Variants in SMARCC1 observed in about 807,000 individuals in gnomAD.
SMARCC1 encodes the protein SWI/SNF complex subunit SMARCC1.
In SMARCC1, 43 loss-of-function variants were observed where a neutral mutation model predicts 147.4. The ratio of observed to expected loss-of-function variants is 0.29; its 90% CI spans 0.23 to 0.38. The LOEUF (loss-of-function observed/expected upper bound fraction) is 0.38. Ranked by LOEUF, SMARCC1 falls within the 10% of genes least tolerant of loss-of-function variation. SMARCC1 has a pLI of 1.00. For missense variants in SMARCC1, 1,119 were observed against 1,381.1 expected, an observed-to-expected ratio of 0.81 and a Z score of 3.01; for synonymous variants, 495 against 484.4, an observed-to-expected ratio of 1.02 and a Z score of -0.29.
In SMARCC1 at chr3:47,733,071, C is replaced by A. The variant is rs535640255; in HGVS notation, c.576+2963G>T. ...GCAGTGAGCCGAGATCACACCACTGCGCTCCAGCTGGGCGACAGAGAAAGA... is the reference window on the plus strand; with the variant it reads ...GCAGTGAGCCGAGATCACACCACTGAGCTCCAGCTGGGCGACAGAGAAAGA... On this transcript the variant is annotated intron_variant, in intron 5 of 27. Coordinates refer to ENST00000254480, the MANE Select transcript of SMARCC1 (RefSeq NM_003074.4). Among the ~76,000 whole-genome samples the A allele has an allele frequency of 2.6e-5, 4 of 152,126 alleles. No individual in the cohort carries two copies. In the East Asian group the frequency reaches 7.7e-4, roughly 29 times the overall value.
intron 21 of SMARCC1, among the ~76,000 whole-genome samples, chr3:47,650,333 A>G (rs2033175117): frequency 6.7e-6 from 1 of 148,758 alleles, no homozygotes; most frequent in Admixed American, 6.7e-5. Flanking sequence ...GAAAAAAATA[A>G]AAACATTTCT....
At chr3:47,598,142 G>A (rs2032321482) in intron 26 of SMARCC1, among the ~76,000 whole-genome samples, 1 of 152,000 alleles carries the variant, frequency 6.6e-6, no homozygotes, top group Non-Finnish European at 1.5e-5. Flanking sequence ...CACATCACCT[G>A]CTAGGCCATT....
chr3:47,762,848 C>T (rs1392351605), intron 2 of SMARCC1, among the ~76,000 whole-genome samples: 1 of 152,096 alleles, frequency 6.6e-6, no homozygotes, highest in African/African-American at 2.4e-5. Context: ...GGGCAGATCA[C>T]GAGGTCAGGA....
chr3:47,767,063 G>T (rs2034848500), intron 2 of SMARCC1, among the ~76,000 whole-genome samples: 1 of 151,520 alleles, frequency 6.6e-6, no homozygotes, highest in East Asian at 2.0e-4. Flanking sequence ...GGCACCTGTT[G>T]TCCCAGCTAC....
chr3:47,696,140 G>T (rs1400660714), intron 11 of SMARCC1, among the ~76,000 whole-genome samples: 6 of 151,428 alleles, frequency 4.0e-5, no homozygotes, highest in African/African-American at 7.3e-5. Flanking sequence ...GGAGGCCAAG[G>T]CGGGTGGATC....
intron 5 of SMARCC1, among the ~76,000 whole-genome samples, chr3:47,733,599 C>T (rs558200656): frequency 6.6e-6 from 1 of 150,410 alleles, no homozygotes; most frequent in East Asian, 2.0e-4. Context: ...AAATTAGCAG[C>T]GCAAGGGCCA....
chr3:47,630,078 G>GAT (rs1317655506), intron 24 of SMARCC1, among the ~76,000 whole-genome samples: 1 of 148,494 alleles, frequency 6.7e-6, no homozygotes, highest in African/African-American at 2.5e-5. Flanking sequence ...TGCCACAGAA[G>GAT]ATATACGGCA....
chr3:47,716,052 C>A (rs189637612), intron 7 of SMARCC1, among the ~76,000 whole-genome samples: 1 of 151,136 alleles, frequency 6.6e-6, no homozygotes, highest in East Asian at 1.9e-4. Context: ...AACTATGAAA[C>A]CAAATGACAT....
At chr3:47,714,385 T>G (rs565540898) in intron 8 of SMARCC1, 30 bp downstream of exon 8, 2 of 1,355,952 alleles carry the variant, frequency 1.5e-6, no homozygotes, top group Non-Finnish European at 2.1e-6. Context: ...AAAAAGATTA[T>G]TGTAAGATTT....
intron 24 of SMARCC1, among the ~76,000 whole-genome samples, chr3:47,629,189 G>T (rs1197888256): frequency 6.6e-6 from 1 of 152,148 alleles, no homozygotes; most frequent in African/African-American, 2.4e-5. Context: ...TAACCTTGAT[G>T]TGTCTCACCC....
At chr3:47,655,561 G>C (rs1015561373) in intron 21 of SMARCC1, among the ~76,000 whole-genome samples, 25 of 151,498 alleles carry the variant, frequency 1.7e-4, no homozygotes, top group Middle Eastern at 3.5e-3. Context: ...GCCAGGTGTC[G>C]TGGCACACAC....
intron 9 of SMARCC1, among the ~76,000 whole-genome samples, chr3:47,709,342 T>C (rs760168603): frequency 5.9e-5 from 9 of 152,128 alleles, no homozygotes; most frequent in Non-Finnish European, 7.3e-5. Flanking sequence ...GAAAGTACTG[T>C]ACTCTGCATG....
intron 26 of SMARCC1, among the ~76,000 whole-genome samples, chr3:47,607,346 T>C (rs2032491664): frequency 6.6e-6 from 1 of 152,188 alleles, no homozygotes; most frequent in African/African-American, 2.4e-5. Flanking sequence ...GTAAAGTCAA[T>C]AAAAACTACT....
intron 2 of SMARCC1, among the ~76,000 whole-genome samples, chr3:47,747,628 T>C (rs1328359154): frequency 1.3e-5 from 2 of 151,236 alleles, no homozygotes; most frequent in East Asian, 3.9e-4. Flanking sequence ...TGTGACCTTA[T>C]CTCAAAAAAC....
chr3:47,689,396 T>C lies in SMARCC1; in HGVS notation c.1254A>G (p.Ala418=), dbSNP rs937567142. 3.1e-6 allele frequency: 5 copies of C among 1,613,020 alleles called. No homozygotes were observed. In the African/African-American group the frequency reaches 6.7e-5, roughly 22 times the overall value. The change falls in exon 13 of 28, where the codon GCA becomes GCG. Residue 418 remains alanine, a synonymous_variant. Transcript: ENST00000254480. Reference sequence around the variant, plus strand: ...TTAACTGAATTGTTACCTTTCCTCCTGCTGTGACTGTTTCTTCATCCTGCT... The same window carrying C: ...TTAACTGAATTGTTACCTTTCCTCCCGCTGTGACTGTTTCTTCATCCTGCT... The part of the protein sequence containing the change: ...LDEQDEETVT[A]GGKEDEDPAK...
At chr3:47,636,188 C>T in intron 22 of SMARCC1, 52 bp from the exon 23 acceptor site, 1 of 926,524 alleles carries the variant, frequency 1.1e-6, no homozygotes, top group Non-Finnish European at 1.7e-6. Flanking sequence ...AAACCCCAGA[C>T]CTTTTTATGA....
At chr3:47,749,851 G>A (rs1419027462) in intron 2 of SMARCC1, among the ~76,000 whole-genome samples, 1 of 151,954 alleles carries the variant, frequency 6.6e-6, no homozygotes, top group East Asian at 1.9e-4. Flanking sequence ...GGGAGGCCGA[G>A]GCGGGTGGAT....
chr3:47,722,293 A>ATTT (rs34260316), intron 6 of SMARCC1, among the ~76,000 whole-genome samples: 15,332 of 106,844 alleles, frequency 0.14, 1,796 homozygotes, highest in Non-Finnish European at 0.2. Context: ...ACAAATTTTG[A>ATTT]TTTTTTTTTT....
intron 2 of SMARCC1, among the ~76,000 whole-genome samples, chr3:47,752,336 C>T (rs1227857951): frequency 1.3e-5 from 2 of 152,158 alleles, no homozygotes; most frequent in Non-Finnish European, 2.9e-5. Flanking sequence ...TTCACTGAAC[C>T]TTGACTGTAT....
Sources: allele counts gnomAD v4.1 joint callset (sites outside exome capture counted in the v4.1 genomes callset), GRCh38; gene constraint gnomAD v4.1.1; transcripts MANE v1.5; gene names NCBI Gene and HGNC (gene_info 2026-07-23, HGNC 2026-07-21).